The following PIWIL2 variants were observed in gnomAD, a reference collection of about 807,000 sequenced individuals.
The protein encoded by PIWIL2 is piwi like RNA-mediated gene silencing 2, also known as piwi-like protein 2.
PIWIL2 carries 81 observed loss-of-function variants against 116.5 expected under a neutral mutation model. That is an observed-to-expected ratio of 0.70 (90% CI 0.58 to 0.84). The LOEUF is 0.84. Among genes scored for constraint, PIWIL2 ranks in the 40% least tolerant of loss-of-function variants. The probability of loss-of-function intolerance (pLI) is 0.00; values close to 1 mark genes in which losing one functional copy is unlikely to be tolerated. For synonymous variants in PIWIL2, 489 were observed against 429.5 expected, an observed-to-expected ratio of 1.14 and a Z score of -1.71; for missense variants, 1,272 against 1,212.3, an observed-to-expected ratio of 1.05 and a Z score of -0.73.
intron 20 of PIWIL2, among the ~76,000 whole-genome samples, chr8:22,320,434 AT>A (rs899674580): frequency 1.6e-4 from 23 of 145,898 alleles, no homozygotes; most frequent in Admixed American, 2.1e-4. Flanking sequence ...GACCCAGGTA[AT>A]TTTTTTTTTT....
At chr8:22,284,397 A>T (rs1191656560) in intron 6 of PIWIL2, 125 bp downstream of exon 6, 1 of 512,812 alleles carries the variant, frequency 2.0e-6, no homozygotes, top group East Asian at 3.2e-5. Flanking sequence ...TAATGTGTTT[A>T]CTCAGATCCT....
chr8:22,291,913 GAA>G (rs1203540846), intron 10 of PIWIL2, among the ~76,000 whole-genome samples: 1 of 152,116 alleles, frequency 6.6e-6, no homozygotes, highest in Non-Finnish European at 1.5e-5. Context: ...ATGGAAAAAA[GAA>G]AAAGAGCACA....
Position 22,282,470 on chromosome 8 carries a change from G to A in PIWIL2, c.426-564G>A, listed in dbSNP as rs117607418. On this transcript the variant is annotated intron_variant, in intron 4 of 22. Transcript: ENST00000356766. ...CCCAGAGAGCTGGGATTATAGGCGT[G>A]AGCCCCTGCACGCAGCCGTGGTGAT... is the stretch of plus-strand genomic sequence containing the variant. Among the ~76,000 whole-genome samples, 137 of 152,166 alleles carry A rather than the reference G, an allele frequency of 9.0e-4. 1 individual carries two copies. Among genetic ancestry groups the A allele is most frequent in the Admixed American group, 5.9e-3 (90 of 15,286 alleles).
chr8:22,345,490 A>G (rs117010103), intron 20 of PIWIL2, among the ~76,000 whole-genome samples: 1,665 of 152,130 alleles, frequency 0.011, 24 homozygotes, highest in East Asian at 0.045. Context: ...GCGAAACCGC[A>G]TCTCTAGTAA....
chr8:22,314,423 C>A lies in PIWIL2; in HGVS notation c.2085C>A (p.Pro695=). 6.4e-7 allele frequency: 1 copy of A among 1,551,706 alleles called. No homozygotes were observed. Among genetic ancestry groups the A allele is most frequent in the Admixed American group, 1.9e-5 (1 of 52,500 alleles). ...TGTGCTGTGTGCAGTCCCCAGTGCC[C>A]TCCCAGGTGAGTGGGTGTTGGGGCA... ...KKLCCVQSPV[P]SQVVNVRTIG... is the part of the protein sequence containing the mutation. Residue 695 remains proline, a synonymous_variant, in exon 17 of 23, where the codon CCC becomes CCA. Transcript: ENST00000356766.
intron 10 of PIWIL2, among the ~76,000 whole-genome samples, chr8:22,290,556 C>T (rs1009280100): frequency 6.6e-6 from 1 of 152,002 alleles, no homozygotes; most frequent in East Asian, 1.9e-4. Flanking sequence ...ATCCTACCAC[C>T]TCAGCCTTCT....
intron 7 of PIWIL2, 46 bp downstream of exon 7, chr8:22,287,691 C>G (rs746041753): frequency 6.2e-5 from 75 of 1,218,390 alleles, no homozygotes; most frequent in Non-Finnish European, 8.5e-5. Flanking sequence ...CCTAAGAGTG[C>G]TCTGGCGTTT....
chr8:22,314,386 C>T lies in PIWIL2; in HGVS notation c.2048C>T (p.Ala683Val). The T allele has an allele frequency of 6.3e-7, 1 of 1,586,958 alleles. No individual in the cohort carries two copies. Among genetic ancestry groups the T allele is most frequent in the Non-Finnish European group, 8.6e-7 (1 of 1,165,092 alleles). The change falls in exon 17 of 23, where the codon GCC becomes GTC. Residue 683 changes from alanine (A) to valine (V), a missense_variant. By Grantham distance (64) the Ala-to-Val change is moderately conservative. Coordinates refer to ENST00000356766, the MANE Select transcript of PIWIL2 (RefSeq NM_018068.5). ...IMGPRDDLYG[A>V]IKKLCCVQSP... is the part of the protein sequence containing the mutation. ...GGCCCACGTGATGATCTCTATGGGG[C>T]CATCAAGAAGCTGTGCTGTGTGCAG...
chr8:22,276,685 G>A (rs371015928), intron 1 of PIWIL2, among the ~76,000 whole-genome samples: 2 of 152,266 alleles, frequency 1.3e-5, no homozygotes, highest in East Asian at 3.9e-4. Context: ...AGGATCACTT[G>A]AGGTCAGCAG....
intron 13 of PIWIL2, 39 bp downstream of exon 13, chr8:22,306,055 G>T (rs762865168): frequency 7.2e-7 from 1 of 1,394,036 alleles, no homozygotes; most frequent in Non-Finnish European, 1.0e-6. Context: ...TGCCCACTTT[G>T]TGAGGCAGCC....
chr8:22,351,465 A>ATATATATATATATATATATATATG (rs1832358051), intron 20 of PIWIL2, among the ~76,000 whole-genome samples: 2 of 92,938 alleles, frequency 2.2e-5, no homozygotes, highest in African/African-American at 1.1e-4. Flanking sequence ...ATATATATAT[A>ATATATATATATATATATATATATG]TATATATATA....
chr8:22,290,291 C>T lies in PIWIL2; in HGVS notation c.1126C>T (p.Leu376=), dbSNP rs1183886493. The change falls in exon 10 of 23, where the codon CTG becomes TTG. Residue 376 remains leucine, a synonymous_variant. Transcript: ENST00000356766. The stretch of plus-strand genomic sequence containing the variant: ...CCGAAGGACAGATGGAGGGCTCTTC[C>T]TGCTAGCTGATGTCTCCCATAAGGT... ...SIRRTDGGLF[L]LADVSHKVIR... is the part of the protein sequence containing the mutation. The T allele has an allele frequency of 6.2e-7, 1 of 1,612,784 alleles. No homozygotes were observed. Among genetic ancestry groups the T allele is most frequent in the Non-Finnish European group, 8.5e-7 (1 of 1,178,816 alleles).
At chr8:22,338,682 T>TC (rs1832035990) in intron 20 of PIWIL2, among the ~76,000 whole-genome samples, 1 of 143,090 alleles carries the variant, frequency 7.0e-6, no homozygotes, top group Non-Finnish European at 1.5e-5. Flanking sequence ...ACGGCGAGAC[T>TC]CCATCTCAAA....
intron 20 of PIWIL2, among the ~76,000 whole-genome samples, chr8:22,335,543 C>CTTT (rs59166171): frequency 4.9e-4 from 45 of 92,214 alleles, no homozygotes; most frequent in African/African-American, 1.1e-3. Flanking sequence ...ACAAAATAGA[C>CTTT]TTTTTTTTTT....
At chr8:22,325,481 C>CTTTTTTTTTTT (rs749493740) in intron 20 of PIWIL2, among the ~76,000 whole-genome samples, 1 of 95,040 alleles carries the variant, frequency 1.1e-5, no homozygotes, top group Non-Finnish European at 2.0e-5. Context: ...TTGATTTAGT[C>CTTTTTTTTTTT]TTTTTTTTTT....
At chr8:22,341,299 TA>T (rs769390524) in intron 20 of PIWIL2, among the ~76,000 whole-genome samples, 9,460 of 141,626 alleles carry the variant, frequency 0.067, 337 homozygotes, top group Admixed American at 0.1. Context: ...ATTCATGATT[TA>T]AAAAAAAAAA....
chr8:22,298,800 A>G (rs1328784720), intron 10 of PIWIL2, among the ~76,000 whole-genome samples: 2 of 152,238 alleles, frequency 1.3e-5, no homozygotes, highest in South Asian at 2.1e-4. Flanking sequence ...TTGCAGATGG[A>G]CAAGTAGGTC....
chr8:22,313,154 G>A (rs1009644160), intron 16 of PIWIL2, among the ~76,000 whole-genome samples: 14 of 152,040 alleles, frequency 9.2e-5, no homozygotes, highest in African/African-American at 2.9e-4. Flanking sequence ...CATTCATATC[G>A]CTTACCAACT....
chr8:22,287,640 C>T lies in PIWIL2; in HGVS notation c.856C>T (p.Gln286Ter). The part of the protein sequence containing the change: ...GSILYLPVKL[Q>*]QVLELKSQRK... Reference sequence around the variant, plus strand: ...TATTCTCTATCTGCCTGTTAAGCTTCAACAAGTGAGACCAAACAGGAAATG... The same window carrying T: ...TATTCTCTATCTGCCTGTTAAGCTTTAACAAGTGAGACCAAACAGGAAATG... The change falls in exon 7 of 23, where the codon CAA becomes TAA. Residue 286 changes from glutamine (Q) to a stop codon, truncating the protein, a stop_gained. Transcript: ENST00000356766. LOFTEE classifies it high-confidence loss of function. 1 of 1,583,078 alleles carries T rather than the reference C, an allele frequency of 6.3e-7. No homozygotes were observed. The highest frequency in any genetic ancestry group is 8.7e-7 in the Non-Finnish European group (1 of 1,151,604).
Sources: gnomAD v4.1 joint callset for allele counts (sites outside exome capture counted in the v4.1 genomes callset) on GRCh38, gnomAD v4.1.1 for gene constraint, MANE v1.5 for transcripts, NCBI Gene and HGNC (gene_info 2026-07-23, HGNC 2026-07-21) for gene names.